The following SPATA16 variants were observed in gnomAD, a reference collection of about 807,000 sequenced individuals.
The protein encoded by SPATA16 is spermatogenesis-associated protein 16.
SPATA16 carries 36 observed loss-of-function variants against 63.3 expected under a neutral mutation model. The ratio of observed to expected loss-of-function variants is 0.57; its 90% CI spans 0.44 to 0.75. The LOEUF (loss-of-function observed/expected upper bound fraction) is 0.75. Ranked by LOEUF, SPATA16 falls within the 30% of genes least tolerant of loss-of-function variation. The probability of loss-of-function intolerance (pLI) is 0.00; values close to 1 mark genes in which losing one functional copy is unlikely to be tolerated. For missense variants in SPATA16, 646 were observed against 679.3 expected (o/e 0.95, Z 0.54); for synonymous variants, 203 against 216.7 (o/e 0.94, Z 0.56).
chr3:172,906,205 C>T (rs1732234336), intron 10 of SPATA16, among the ~76,000 whole-genome samples: 1 of 152,012 alleles, frequency 6.6e-6, no homozygotes, highest in Non-Finnish European at 1.5e-5. Flanking sequence ...TCCAAGGGAC[C>T]TTGGGATTCA....
chr3:173,128,335 T>G (rs893649815), intron 1 of SPATA16, among the ~76,000 whole-genome samples: 8 of 152,204 alleles, frequency 5.3e-5, no homozygotes, highest in Admixed American at 5.2e-4. Flanking sequence ...AAGAATTTAT[T>G]AATTAATTCA....
intron 1 of SPATA16, among the ~76,000 whole-genome samples, chr3:173,129,198 A>AAGAG (rs796537287): frequency 3.0e-4 from 46 of 152,336 alleles, no homozygotes; most frequent in African/African-American, 1.1e-3. Context: ...ACTCAGGAGC[A>AAGAG]AGAGATCAGA....
chr3:172,948,042 GGA>G (rs59699882), intron 6 of SPATA16, among the ~76,000 whole-genome samples: 13,217 of 151,776 alleles, frequency 0.087, 1,921 homozygotes, highest in African/African-American at 0.3. Flanking sequence ...GAGGAAGTAG[GGA>G]GAGAGAGAGA....
chr3:172,950,743 C>T (rs1337053753), intron 6 of SPATA16, among the ~76,000 whole-genome samples: 1 of 151,982 alleles, frequency 6.6e-6, no homozygotes, highest in African/African-American at 2.4e-5. Flanking sequence ...TAATTTAAAA[C>T]AATATATTAT....
intron 10 of SPATA16, among the ~76,000 whole-genome samples, chr3:172,912,356 C>T (rs1012634329): frequency 6.6e-6 from 1 of 152,126 alleles, no homozygotes; most frequent in African/African-American, 2.4e-5. Flanking sequence ...AAGAGCTGTG[C>T]CTGTCTTGCT....
intron 10 of SPATA16, among the ~76,000 whole-genome samples, chr3:172,897,295 T>C (rs1264408232): frequency 6.6e-6 from 1 of 152,194 alleles, no homozygotes; most frequent in East Asian, 1.9e-4. Context: ...TTCTCTATTC[T>C]GTTCCATTGA....
At chr3:173,068,308 A>G (rs1196119214) in intron 2 of SPATA16, among the ~76,000 whole-genome samples, 1 of 152,214 alleles carries the variant, frequency 6.6e-6, no homozygotes, top group Non-Finnish European at 1.5e-5. Flanking sequence ...AGACAGTATA[A>G]AATATATGAA....
chr3:173,121,396 CA>C (rs1479451285), intron 1 of SPATA16, among the ~76,000 whole-genome samples: 2 of 152,148 alleles, frequency 1.3e-5, no homozygotes, highest in Non-Finnish European at 2.9e-5. Flanking sequence ...TCAAGCTGAA[CA>C]TCTTGTTTAT....
At chr3:173,112,601 T>G (rs899759039) in intron 2 of SPATA16, among the ~76,000 whole-genome samples, 5 of 152,160 alleles carry the variant, frequency 3.3e-5, no homozygotes, top group African/African-American at 1.2e-4. Flanking sequence ...GTTGTGAGAA[T>G]GAAATGGAAT....
chr3:173,112,827 G>A (rs1737783040), intron 2 of SPATA16, among the ~76,000 whole-genome samples: 1 of 152,146 alleles, frequency 6.6e-6, no homozygotes, highest in African/African-American at 2.4e-5. Context: ...CTTCTTTGAT[G>A]GGTTTAATGG....
rs951651350 is a variant in SPATA16, at chr3:173,064,186, T to A, written c.613-15092A>T. 4.6e-5 allele frequency among the ~76,000 whole-genome samples: 7 copies of A among 151,836 alleles called. 1 individual carries two copies. Among genetic ancestry groups the A allele is most frequent in the South Asian group, 4.2e-4 (2 of 4,792 alleles). On this transcript the variant is annotated intron_variant, in intron 2 of 10. Transcript: ENST00000351008. ...AGCTGGGCATGGTGGCACGCACCTGTAATCCCAGCTACTCGGGAGGCTGAG... is the reference window on the plus strand; with the variant it reads ...AGCTGGGCATGGTGGCACGCACCTGAAATCCCAGCTACTCGGGAGGCTGAG...
chr3:172,992,540 G>C (rs1281489080), intron 4 of SPATA16, among the ~76,000 whole-genome samples: 1 of 151,966 alleles, frequency 6.6e-6, no homozygotes, highest in Admixed American at 6.6e-5. Context: ...TTGGCTTGGT[G>C]GGGAGGATTG....
At chr3:173,076,052 A>G (rs1272925963) in intron 2 of SPATA16, among the ~76,000 whole-genome samples, 1 of 152,144 alleles carries the variant, frequency 6.6e-6, no homozygotes, top group Non-Finnish European at 1.5e-5. Flanking sequence ...TGCAACTATC[A>G]TGTACTCATA....
At position 172,889,747 on chromosome 3, in the gene SPATA16, A is replaced by G. The variant is rs1035521107; in HGVS notation, c.1588-55T>C. 3.1e-6 allele frequency: 5 copies of G among 1,601,516 alleles called. No individual in the cohort carries two copies. The African/African-American group carries it at 4.0e-5, about 13-fold the overall frequency. On this transcript the variant is annotated intron_variant, in intron 10 of 10. Coordinates refer to ENST00000351008, the MANE Select transcript of SPATA16 (RefSeq NM_031955.6). The stretch of plus-strand genomic sequence containing the variant: ...TTGTTGTTGTTTTCCTGGGTTTTGT[A>G]TACTTATAAAAACGGTGAGGTATTT...
chr3:172,897,904 C>T (rs917124136), intron 10 of SPATA16, among the ~76,000 whole-genome samples: 1 of 151,956 alleles, frequency 6.6e-6, no homozygotes, highest in Non-Finnish European at 1.5e-5. Flanking sequence ...TGGAGGTGCT[C>T]TTTAACAATT....
intron 5 of SPATA16, among the ~76,000 whole-genome samples, chr3:172,970,098 G>A (rs1734014164): frequency 6.6e-6 from 1 of 152,148 alleles, no homozygotes; most frequent in African/African-American, 2.4e-5. Flanking sequence ...TATTGCAGCA[G>A]TAGCTGGCTA....
At chr3:172,959,092 C>T (rs9856196) in intron 5 of SPATA16, among the ~76,000 whole-genome samples, 95,092 of 151,552 alleles carry the variant, frequency 0.63, 30,410 homozygotes, top group African/African-American at 0.75. Context: ...ATTAACAAAT[C>T]TAGCAAAGGT....
chr3:173,055,042 G>T (rs1475557077), intron 2 of SPATA16, among the ~76,000 whole-genome samples: 1 of 152,196 alleles, frequency 6.6e-6, no homozygotes, highest in Non-Finnish European at 1.5e-5. Context: ...AAAAATGTTT[G>T]ATGTTATTCA....
chr3:173,101,727 G>A (rs1311679044), intron 2 of SPATA16, among the ~76,000 whole-genome samples: 3 of 152,068 alleles, frequency 2.0e-5, no homozygotes, highest in African/African-American at 7.2e-5. Context: ...CCAATCCCAT[G>A]AAATTGCTTA....
Sources: allele counts gnomAD v4.1 joint callset (sites outside exome capture counted in the v4.1 genomes callset), GRCh38; gene constraint gnomAD v4.1.1; transcripts MANE v1.5; gene names NCBI Gene and HGNC (gene_info 2026-07-23, HGNC 2026-07-21).